NALF1: variants seen among roughly 807,000 people sequenced by gnomAD.
NALF1 encodes the protein NALCN channel auxiliary factor 1.
Under a neutral mutation model 48.4 loss-of-function variants are expected in NALF1, and 3 were observed. The ratio of observed to expected loss-of-function variants is 0.06; its 90% CI spans 0.03 to 0.16. The LOEUF is 0.16. Among genes scored for constraint, NALF1 ranks in the 10% least tolerant of loss-of-function variants. NALF1 has a pLI of 1.00. For synonymous variants in NALF1, 262 were observed against 245.7 expected (o/e 1.07, Z -0.62); for missense variants, 526 against 571.5 (o/e 0.92, Z 0.81).
At chr13:107,521,163 C>T (rs944500596) in intron 1 of NALF1, among the ~76,000 whole-genome samples, 2 of 152,130 alleles carry the variant, frequency 1.3e-5, no homozygotes, top group South Asian at 2.1e-4. Flanking sequence ...GTGATACTGG[C>T]TCTAATATAA....
In NALF1 at chr13:107,392,338, C is replaced by T. The variant is rs141396016; in HGVS notation, c.916-181583G>A. Among the ~76,000 whole-genome samples, 95 of 152,228 alleles carry T rather than the reference C, an allele frequency of 6.2e-4. 1 individual carries two copies. Among genetic ancestry groups the T allele is most frequent in the African/African-American group, 2.1e-3 (89 of 41,548 alleles). ...ACAACTGCTTGGTTCTGAGTCCTTG[C>T]TCAGTCCCAGGAAACAGGAAGCTCC... On this transcript the variant is annotated intron_variant, in intron 1 of 2. Transcript: ENST00000375915.
At chr13:107,645,941 C>A (rs1333684107) in intron 1 of NALF1, among the ~76,000 whole-genome samples, 1 of 152,222 alleles carries the variant, frequency 6.6e-6, no homozygotes, top group East Asian at 1.9e-4. Context: ...CTCGTTCTGA[C>A]TCTTGGTAGC....
intron 1 of NALF1, among the ~76,000 whole-genome samples, chr13:107,680,413 T>A (rs77859242): frequency 7.7e-6 from 1 of 129,322 alleles, no homozygotes; most frequent in Non-Finnish European, 1.7e-5. Context: ...TGTATGAGTG[T>A]GTGTGCGTGT....
At chr13:107,395,655 C>T (rs990393348) in intron 1 of NALF1, among the ~76,000 whole-genome samples, 1 of 152,164 alleles carries the variant, frequency 6.6e-6, no homozygotes, top group African/African-American at 2.4e-5. Context: ...CAAAGGATGA[C>T]AGACTGAGTG....
intron 1 of NALF1, among the ~76,000 whole-genome samples, chr13:107,498,566 G>A (rs191654705): frequency 2.7e-4 from 41 of 152,042 alleles, no homozygotes; most frequent in Admixed American, 6.6e-4. Context: ...GATGCAATTC[G>A]AAAAGAGAAA....
chr13:107,305,691 A>T lies in NALF1; in HGVS notation c.916-94936T>A, dbSNP rs368236469. On this transcript the variant is annotated intron_variant, in intron 1 of 2. Coordinates refer to ENST00000375915, the MANE Select transcript of NALF1 (RefSeq NM_001080396.3). Reference sequence around the variant, plus strand: ...ATAAAAAGGAATGAAGTGGTGACACATAAAACAACATAAATGAATCTTACA... The same window carrying T: ...ATAAAAAGGAATGAAGTGGTGACACTTAAAACAACATAAATGAATCTTACA... 2.4e-4 allele frequency among the ~76,000 whole-genome samples: 37 copies of T among 152,366 alleles called. No individual in the cohort carries two copies. In the East Asian group the frequency reaches 6.4e-3, roughly 26 times the overall value.
At chr13:107,692,316 T>A (rs1881586553) in intron 1 of NALF1, among the ~76,000 whole-genome samples, 1 of 152,128 alleles carries the variant, frequency 6.6e-6, no homozygotes, top group Non-Finnish European at 1.5e-5. Context: ...ATTTAGTACA[T>A]CTAAAATAGA....
chr13:107,710,773 A>G (rs1298874047), intron 1 of NALF1, among the ~76,000 whole-genome samples: 1 of 45,212 alleles, frequency 2.2e-5, no homozygotes, highest in Admixed American at 3.2e-4. Context: ...GTATACACAC[A>G]TATGTGTGTA....
chr13:107,636,314 T>G (rs1879975166), intron 1 of NALF1, among the ~76,000 whole-genome samples: 1 of 152,164 alleles, frequency 6.6e-6, no homozygotes. Context: ...CTGAGTTTGC[T>G]CGAGCATCCA....
At chr13:107,368,972 C>T (rs977200028) in intron 1 of NALF1, among the ~76,000 whole-genome samples, 4 of 152,242 alleles carry the variant, frequency 2.6e-5, no homozygotes, top group African/African-American at 9.6e-5. Flanking sequence ...TTGTCACTTT[C>T]GTGCATTTGC....
intron 1 of NALF1, among the ~76,000 whole-genome samples, chr13:107,739,885 G>T (rs1312313637): frequency 1.3e-5 from 2 of 152,210 alleles, no homozygotes; most frequent in Admixed American, 6.5e-5. Flanking sequence ...GATCTAGGTT[G>T]TGTGCTACTT....
At chr13:107,732,157 T>C (rs1265789118) in intron 1 of NALF1, among the ~76,000 whole-genome samples, 1 of 152,104 alleles carries the variant, frequency 6.6e-6, no homozygotes, top group Non-Finnish European at 1.5e-5. Flanking sequence ...TTTCTCCAGA[T>C]TTCATTCACT....
At chr13:107,675,333 T>C (rs1047759944) in intron 1 of NALF1, among the ~76,000 whole-genome samples, 1 of 152,144 alleles carries the variant, frequency 6.6e-6, no homozygotes. Flanking sequence ...ATTCTCACTG[T>C]ACCTGCGCAT....
intron 1 of NALF1, among the ~76,000 whole-genome samples, chr13:107,656,871 G>A (rs569077267): frequency 6.6e-6 from 1 of 152,170 alleles, no homozygotes; most frequent in East Asian, 1.9e-4. Context: ...AGATGGAATC[G>A]GAGACTACTA....
chr13:107,668,644 C>T (rs1016390649), intron 1 of NALF1, among the ~76,000 whole-genome samples: 3 of 152,008 alleles, frequency 2.0e-5, no homozygotes, highest in Admixed American at 6.6e-5. Flanking sequence ...CTTCCATACC[C>T]TAGAACTTAC....
intron 1 of NALF1, among the ~76,000 whole-genome samples, chr13:107,618,611 C>A (rs952884514): frequency 6.6e-6 from 1 of 152,032 alleles, no homozygotes; most frequent in African/African-American, 2.4e-5. Flanking sequence ...TAGCCAGGAG[C>A]GAAGACGATG....
intron 1 of NALF1, among the ~76,000 whole-genome samples, chr13:107,610,989 G>A (rs187675180): frequency 6.6e-6 from 1 of 152,030 alleles, no homozygotes; most frequent in African/African-American, 2.4e-5. Context: ...TAGATGAGTA[G>A]GAAGGTGGAA....
intron 2 of NALF1, among the ~76,000 whole-genome samples, chr13:107,209,949 A>T (rs554694583): frequency 5.3e-5 from 8 of 152,276 alleles, no homozygotes; most frequent in African/African-American, 1.7e-4. Flanking sequence ...TGTCTAAATT[A>T]TGTAATGCTT....
chr13:107,742,872 A>T (rs1190259574), intron 1 of NALF1, among the ~76,000 whole-genome samples: 1 of 152,214 alleles, frequency 6.6e-6, no homozygotes, highest in Non-Finnish European at 1.5e-5. Flanking sequence ...TGAATAAATG[A>T]CACCATGCTA....
Sources: gnomAD v4.1 joint callset for allele counts (sites outside exome capture counted in the v4.1 genomes callset) on GRCh38, gnomAD v4.1.1 for gene constraint, MANE v1.5 for transcripts, NCBI Gene and HGNC (gene_info 2026-07-23, HGNC 2026-07-21) for gene names.